The following HHAT variants were observed in gnomAD, a reference collection of about 807,000 sequenced individuals.
HHAT encodes the protein protein-cysteine N-palmitoyltransferase HHAT.
HHAT carries 47 observed loss-of-function variants against 70.8 expected under a neutral mutation model. The ratio of observed to expected loss-of-function variants is 0.66; its 90% CI spans 0.53 to 0.85. HHAT has a LOEUF of 0.85. Ranked by LOEUF, HHAT falls within the 40% of genes least tolerant of loss-of-function variation. The probability of loss-of-function intolerance (pLI) is 0.00; values close to 1 mark genes in which losing one functional copy is unlikely to be tolerated. For synonymous variants in HHAT, 228 were observed against 247.6 expected (o/e 0.92, Z 0.74); for missense variants, 609 against 604.8 (o/e 1.01, Z -0.07).
intron 2 of HHAT, among the ~76,000 whole-genome samples, chr1:210,352,753 C>G (rs904659321): frequency 6.6e-6 from 1 of 152,070 alleles, no homozygotes; most frequent in South Asian, 2.1e-4. Context: ...CTTCTTCCCC[C>G]CAACTCTACC....
intron 7 of HHAT, 72 bp downstream of exon 7, chr1:210,418,397 G>GT: frequency 2.2e-6 from 3 of 1,394,842 alleles, no homozygotes; most frequent in South Asian, 1.4e-5. Flanking sequence ...TGGAGCTGGA[G>GT]TGGGGGGTGA....
At chr1:210,666,075 A>G (rs531274196) in intron 11 of HHAT, among the ~76,000 whole-genome samples, 16 of 152,310 alleles carry the variant, frequency 1.1e-4, no homozygotes, top group African/African-American at 3.8e-4. Context: ...GCCATCAGCC[A>G]TTGTCTTCTA....
At chr1:210,328,885 G>C (rs900374489), upstream of HHAT, 2 of 606,528 alleles carry the variant, frequency 3.3e-6, no homozygotes, top group Non-Finnish European at 4.8e-6. Flanking sequence ...TCCCGAGTCC[G>C]GGCGCGGAGG....
At chr1:210,607,290 C>T (rs972808353) in intron 10 of HHAT, among the ~76,000 whole-genome samples, 1 of 152,064 alleles carries the variant, frequency 6.6e-6, no homozygotes, top group Non-Finnish European at 1.5e-5. Flanking sequence ...TCACCCTGCT[C>T]TTCATTTTTT....
intron 9 of HHAT, among the ~76,000 whole-genome samples, chr1:210,520,053 T>TC (rs1038443398): frequency 2.0e-5 from 3 of 151,850 alleles, no homozygotes; most frequent in Non-Finnish European, 2.9e-5. Context: ...TCTCACTCTA[T>TC]CACCCAGACT....
Position 210,464,499 on chromosome 1 carries a change from T to C in HHAT, c.857-6T>C, listed in dbSNP as rs2094053485. On this transcript the variant is annotated splice_region_variant and splice_polypyrimidine_tract_variant and intron_variant, in intron 7 of 11. Transcript: ENST00000261458. ...CATGTGTCTGACTGGTCTGTTTGCC[T>C]TTCAGGAGGACTGGCGTTAGCCCAG... 1 of 1,614,040 alleles carries C rather than the reference T, an allele frequency of 6.2e-7. No individual in the cohort carries two copies. Among genetic ancestry groups the C allele is most frequent in the African/African-American group, 1.3e-5 (1 of 74,934 alleles).
At chr1:210,619,366 G>A (rs997377644) in intron 10 of HHAT, among the ~76,000 whole-genome samples, 1 of 152,130 alleles carries the variant, frequency 6.6e-6, no homozygotes, top group African/African-American at 2.4e-5. Flanking sequence ...GTGGCCGGGG[G>A]CACAGGAGGC....
intron 7 of HHAT, among the ~76,000 whole-genome samples, chr1:210,422,090 G>T: frequency 6.6e-6 from 1 of 151,960 alleles, no homozygotes; most frequent in Non-Finnish European, 1.5e-5. Flanking sequence ...TTTAGTTATT[G>T]TGTACATTTG....
chr1:210,471,917 T>G (rs1196741164), intron 8 of HHAT, among the ~76,000 whole-genome samples: 2 of 152,228 alleles, frequency 1.3e-5, no homozygotes, highest in African/African-American at 4.8e-5. Flanking sequence ...ATGACAGATC[T>G]CTTGAATTTA....
Position 210,415,384 on chromosome 1 carries a change from C to CG in HHAT, c.685-2770_685-2769insG, listed in dbSNP as rs552784999. Among the ~76,000 whole-genome samples the CG allele has an allele frequency of 1.9e-3, 295 of 152,294 alleles. 2 individuals carry two copies. The highest frequency in any genetic ancestry group is 6.9e-3 in the African/African-American group (285 of 41,574). ...AGGTAAGGATTCAAATGAAAACCAT[C>CG]CTCAGTTTATGCCCAGAAAGGGGTC... On this transcript the variant is annotated intron_variant, in intron 6 of 11. Transcript: ENST00000261458.
intron 8 of HHAT, among the ~76,000 whole-genome samples, chr1:210,481,878 G>C (rs2094402582): frequency 6.6e-6 from 1 of 152,190 alleles, no homozygotes; most frequent in Admixed American, 6.5e-5. Flanking sequence ...AGTCATGTGG[G>C]TATTTGGAGA....
chr1:210,416,854 C>T (rs1185330548), intron 6 of HHAT, among the ~76,000 whole-genome samples: 6 of 152,146 alleles, frequency 3.9e-5, no homozygotes, highest in Non-Finnish European at 8.8e-5. Context: ...TTCTTGTATG[C>T]CTAAGTACTT....
At chr1:210,615,757 T>C (rs527932499) in intron 10 of HHAT, among the ~76,000 whole-genome samples, 1 of 152,254 alleles carries the variant, frequency 6.6e-6, no homozygotes, top group East Asian at 1.9e-4. Context: ...CAGCGAATAT[T>C]GCTGAACAGC....
intron 8 of HHAT, among the ~76,000 whole-genome samples, chr1:210,467,763 G>A (rs140110952): frequency 6.6e-6 from 1 of 152,304 alleles, no homozygotes; most frequent in East Asian, 1.9e-4. Context: ...ATGAGGTTTA[G>A]AACTGCTGAT....
intron 1 of HHAT, among the ~76,000 whole-genome samples, chr1:210,345,895 GCAA>G (rs1414801357): frequency 6.6e-6 from 1 of 151,416 alleles, no homozygotes; most frequent in Non-Finnish European, 1.5e-5. Context: ...ACCAACCTGG[GCAA>G]CAACAACAAT....
chr1:210,625,333 A>T (rs1249738745), intron 11 of HHAT, among the ~76,000 whole-genome samples: 1 of 152,132 alleles, frequency 6.6e-6, no homozygotes, highest in Non-Finnish European at 1.5e-5. Context: ...TGGTGGGGGG[A>T]AAGTGCGGAC....
chr1:210,425,933 A>G (rs2093048807), intron 7 of HHAT, among the ~76,000 whole-genome samples: 1 of 152,222 alleles, frequency 6.6e-6, no homozygotes, highest in Non-Finnish European at 1.5e-5. Flanking sequence ...TGCTTTGAGC[A>G]GTATGGCCAT....
At chr1:210,669,291 T>G (rs1404559777) in intron 11 of HHAT, among the ~76,000 whole-genome samples, 1 of 152,210 alleles carries the variant, frequency 6.6e-6, no homozygotes, top group South Asian at 2.1e-4. Context: ...TATTACTTAG[T>G]TAATTAACCA....
In HHAT at chr1:210,336,287, A is replaced by ATTTTTTTTTTTTTTTTTTTTTTTT. The variant is rs541795412; in HGVS notation, c.-44+7206_-44+7207insTTTTTTTTTTTTTTTTTTTTTTTT. ...AGGCATGCACCACTGTGCCTGGCTA[A>ATTTTTTTTTTTTTTTTTTTTTTTT]TTTTTTTTTTTTTTTTTTTTTTTAG... On this transcript the variant is annotated intron_variant, in intron 1 of 11. Coordinates refer to ENST00000261458, the MANE Select transcript of HHAT (RefSeq NM_018194.6). Among the ~76,000 whole-genome samples, 138 of 84,592 alleles carry ATTTTTTTTTTTTTTTTTTTTTTTT rather than the reference A, an allele frequency of 1.6e-3. 9 individuals carry two copies. The highest frequency in any genetic ancestry group is 7.0e-3 in the Middle Eastern group (1 of 142). The allele number at this position is 84,592 out of a possible 152,430, so 55.5% of individuals were successfully genotyped here. A position where few individuals can be genotyped will look rare whatever the true frequency, so the allele number is the denominator to read the frequency against.
Sources: gnomAD v4.1 joint callset for allele counts (sites outside exome capture counted in the v4.1 genomes callset) on GRCh38, gnomAD v4.1.1 for gene constraint, MANE v1.5 for transcripts, NCBI Gene and HGNC (gene_info 2026-07-23, HGNC 2026-07-21) for gene names.